The following PCDH15 variants were observed in gnomAD, a reference collection of about 807,000 sequenced individuals.
PCDH15 encodes the protein protocadherin related 15, also known as protocadherin-15.
Under a neutral mutation model 178.5 loss-of-function variants are expected in PCDH15, and 129 were observed. That is an observed-to-expected ratio of 0.72 (90% CI 0.63 to 0.84). The LOEUF is 0.84. Among genes scored for constraint, PCDH15 ranks in the 40% least tolerant of loss-of-function variants. PCDH15 has a pLI of 0.00. For synonymous variants in PCDH15, 800 were observed against 732.0 expected, an observed-to-expected ratio of 1.09 and a Z score of -1.50; for missense variants, 2,230 against 2,099.9, an observed-to-expected ratio of 1.06 and a Z score of -1.21.
intron 8 of PCDH15, among the ~76,000 whole-genome samples, chr10:54,248,649 C>T (rs1203052141): frequency 6.6e-6 from 1 of 151,886 alleles, no homozygotes; most frequent in African/African-American, 2.4e-5. Flanking sequence ...GTGCAGGTAC[C>T]ACAAGTTAAT....
chr10:55,486,532 T>C (rs1056833489), intron 2 of PCDH15, among the ~76,000 whole-genome samples: 19 of 151,676 alleles, frequency 1.3e-4, no homozygotes, highest in Non-Finnish European at 2.4e-4. Flanking sequence ...TTATGCTTTT[T>C]TTCTGGAGAC....
chr10:53,887,974 A>G (rs1294469187), intron 26 of PCDH15, among the ~76,000 whole-genome samples: 2 of 152,074 alleles, frequency 1.3e-5, no homozygotes, highest in East Asian at 3.9e-4. Flanking sequence ...GGATCTTCAA[A>G]AAAAGAAAAC....
At chr10:55,345,141 G>GTCTCTC (rs764374706) in intron 2 of PCDH15, among the ~76,000 whole-genome samples, 2 of 150,720 alleles carry the variant, frequency 1.3e-5, no homozygotes, top group African/African-American at 4.9e-5. Context: ...GTGTGTGTGT[G>GTCTCTC]TCTCTCTCTC....
chr10:54,254,466 G>A (rs2056748293), intron 8 of PCDH15, among the ~76,000 whole-genome samples: 1 of 152,052 alleles, frequency 6.6e-6, no homozygotes, highest in African/African-American at 2.4e-5. Context: ...TCACTGAACA[G>A]TATAAAACAT....
chr10:54,374,267 C>G (rs760554894), intron 4 of PCDH15, among the ~76,000 whole-genome samples: 1 of 152,032 alleles, frequency 6.6e-6, no homozygotes, highest in Non-Finnish European at 1.5e-5. Flanking sequence ...TGGACACTGG[C>G]CTGGGCAGGG....
chr10:54,268,687 C>T (rs777831477), intron 8 of PCDH15, among the ~76,000 whole-genome samples: 3 of 151,864 alleles, frequency 2.0e-5, no homozygotes, highest in Non-Finnish European at 4.4e-5. Context: ...TATGTCACTG[C>T]TTCTTATCAA....
intron 13 of PCDH15, among the ~76,000 whole-genome samples, chr10:54,171,636 C>T (rs1053423766): frequency 1.5e-4 from 23 of 152,094 alleles, no homozygotes; most frequent in African/African-American, 5.6e-4. Context: ...CAAACTGCCA[C>T]TCTTAACTCT....
intron 4 of PCDH15, among the ~76,000 whole-genome samples, chr10:54,374,364 T>C (rs556569648): frequency 1.1e-4 from 16 of 152,250 alleles, no homozygotes; most frequent in Non-Finnish European, 2.1e-4. Context: ...ATAATTTCTC[T>C]CGTTTCAAAA....
At chr10:54,727,297 T>G (rs1942700820) in intron 1 of PCDH15, among the ~76,000 whole-genome samples, 1 of 151,348 alleles carries the variant, frequency 6.6e-6, no homozygotes, top group Non-Finnish European at 1.5e-5. Flanking sequence ...ACACGGGAGA[T>G]CTCTCAAAAC....
rs562029380 is a variant in PCDH15 at position 54,360,938 on chromosome 10, G to A, written c.474+8182C>T. Among the ~76,000 whole-genome samples the A allele has an allele frequency of 3.3e-5, 5 of 152,128 alleles. No individual in the cohort carries two copies. In the South Asian group the frequency reaches 1.0e-3, roughly 31 times the overall value. ...ATGTTTATTAGTCTTGCTGTTATAT[G>A]GGATTTAGCATTCTTCATTTTGTTT... On this transcript the variant is annotated intron_variant, in intron 5 of 37. Coordinates refer to ENST00000644397, the MANE Select transcript of PCDH15 (RefSeq NM_001384140.1).
intron 1 of PCDH15, among the ~76,000 whole-genome samples, chr10:54,751,816 A>C (rs1250241602): frequency 2.0e-5 from 3 of 152,204 alleles, no homozygotes; most frequent in Non-Finnish European, 4.4e-5. Flanking sequence ...ATCAAGTCCC[A>C]TCAGATTAGC....
At chr10:54,113,711 T>C (rs1376107912) in intron 15 of PCDH15, among the ~76,000 whole-genome samples, 1 of 151,736 alleles carries the variant, frequency 6.6e-6, no homozygotes, top group Non-Finnish European at 1.5e-5. Context: ...AGACAACTGT[T>C]GGGACAGCAA....
At chr10:54,934,554 G>A (rs1015074297) in intron 2 of PCDH15, among the ~76,000 whole-genome samples, 1 of 151,830 alleles carries the variant, frequency 6.6e-6, no homozygotes, top group African/African-American at 2.4e-5. Context: ...AGTTAGAATG[G>A]CGATCATTAA....
chr10:54,141,553 A>G (rs563405370), intron 14 of PCDH15, among the ~76,000 whole-genome samples: 213 of 152,276 alleles, frequency 1.4e-3, no homozygotes, highest in Non-Finnish European at 2.5e-3. Flanking sequence ...ATGGGTTAAA[A>G]GTTTTAATGT....
At chr10:53,874,764 CAT>C (rs2080105122) in intron 26 of PCDH15, among the ~76,000 whole-genome samples, 1 of 151,780 alleles carries the variant, frequency 6.6e-6, no homozygotes, top group African/African-American at 2.4e-5. Flanking sequence ...TTCATAACAA[CAT>C]AGACTTTAAA....
intron 25 of PCDH15, among the ~76,000 whole-genome samples, chr10:53,924,364 G>T (rs933160735): frequency 6.6e-6 from 1 of 152,226 alleles, no homozygotes; most frequent in African/African-American, 2.4e-5. Flanking sequence ...CCCCAGCAGT[G>T]CAGGCCTGCC....
intron 2 of PCDH15, among the ~76,000 whole-genome samples, chr10:54,987,678 T>C (rs1839405382): frequency 6.6e-6 from 1 of 152,068 alleles, no homozygotes; most frequent in Non-Finnish European, 1.5e-5. Flanking sequence ...GAGAAGTGTC[T>C]GTTTATATCC....
At chr10:55,526,637 T>G (rs1329035113) in intron 2 of PCDH15, among the ~76,000 whole-genome samples, 8 of 152,070 alleles carry the variant, frequency 5.3e-5, no homozygotes. Flanking sequence ...TTTGCACCAC[T>G]CTGCTATTGA....
intron 2 of PCDH15, among the ~76,000 whole-genome samples, chr10:55,032,854 T>C (rs1372803586): frequency 6.6e-6 from 1 of 152,116 alleles, no homozygotes; most frequent in African/African-American, 2.4e-5. Context: ...GAGCTCAGGT[T>C]ACCTGTGGAA....
Sources: allele counts gnomAD v4.1 joint callset (sites outside exome capture counted in the v4.1 genomes callset), GRCh38; gene constraint gnomAD v4.1.1; transcripts MANE v1.5; gene names NCBI Gene and HGNC (gene_info 2026-07-23, HGNC 2026-07-21).